TRIO: variants seen among roughly 807,000 people sequenced by gnomAD.
The protein encoded by TRIO is triple functional domain protein.
Under a neutral mutation model 351.9 loss-of-function variants are expected in TRIO, and 58 were observed. The observed-to-expected ratio is 0.16, with a 90% CI of 0.13 to 0.21. The LOEUF (loss-of-function observed/expected upper bound fraction) is 0.21. Among genes scored for constraint, TRIO ranks in the 10% least tolerant of loss-of-function variants. The pLI is 1.00. For missense variants in TRIO, 3,201 were observed against 4,027.8 expected, an observed-to-expected ratio of 0.79 and a Z score of 5.56; for synonymous variants, 1,758 against 1,595.7, an observed-to-expected ratio of 1.10 and a Z score of -2.42.
intron 21 of TRIO, among the ~76,000 whole-genome samples, chr5:14,387,044 A>T (rs1317756194): frequency 6.6e-6 from 1 of 152,276 alleles, no homozygotes; most frequent in Non-Finnish European, 1.5e-5. Flanking sequence ...GGGCACAAAG[A>T]GTAAACATGC....
At position 14,377,997 on chromosome 5, in the gene TRIO, T is replaced by C. The variant is rs774488195; in HGVS notation, c.3332-15T>C. 5 of 1,594,044 alleles carry C rather than the reference T, an allele frequency of 3.1e-6. No homozygotes were observed. Among genetic ancestry groups the C allele is most frequent in the African/African-American group, 1.3e-5 (1 of 74,838 alleles). On this transcript the variant is annotated splice_polypyrimidine_tract_variant and intron_variant, in intron 19 of 56. Transcript: ENST00000344204. ...TTGCAAGCACCAACATACATCATTT[T>C]CTTTTTTCTCTCAGATATCTTGAAT... is the stretch of plus-strand genomic sequence containing the variant.
chr5:14,472,830 C>G (rs114422492), intron 39 of TRIO, among the ~76,000 whole-genome samples, 172 bp downstream of exon 39: 1 of 152,184 alleles, frequency 6.6e-6, no homozygotes, highest in Non-Finnish European at 1.5e-5. Flanking sequence ...ATTGTCTTTA[C>G]CATCTGTATT....
chr5:14,209,952 T>TCTCCCTGTGTGCTGAG (rs971305552), intron 1 of TRIO, among the ~76,000 whole-genome samples: 2 of 152,088 alleles, frequency 1.3e-5, no homozygotes, highest in Non-Finnish European at 2.9e-5. Flanking sequence ...CTGCTCCCCC[T>TCTCCCTGTGTGCTGAG]CTCCCTGTGT....
intron 2 of TRIO, among the ~76,000 whole-genome samples, chr5:14,274,740 T>A (rs555668178): frequency 6.6e-6 from 1 of 152,320 alleles, no homozygotes; most frequent in Admixed American, 6.5e-5. Flanking sequence ...CAATAAAGAC[T>A]TATTTCAAAT....
chr5:14,366,796 C>G lies in TRIO; in HGVS notation c.2755-64C>G, dbSNP rs1029492447. 17 of 1,607,018 alleles carry G rather than the reference C, an allele frequency of 1.1e-5. No individual in the cohort carries two copies. In the African/African-American group the frequency reaches 1.7e-4, roughly 16 times the overall value. ...CTATCTTGCACGCTTGTATCTCACC[C>G]CTGGTGGTCCACAGGATTCTCTGGG... On this transcript the variant is annotated intron_variant, in intron 15 of 56. Transcript: ENST00000344204.
intron 34 of TRIO, among the ~76,000 whole-genome samples, chr5:14,429,295 G>A (rs1300513753): frequency 6.6e-6 from 1 of 152,192 alleles, no homozygotes; most frequent in Non-Finnish European, 1.5e-5. Context: ...AGAAGTGTGT[G>A]CCAGACAGAC....
intron 34 of TRIO, among the ~76,000 whole-genome samples, chr5:14,426,105 T>C (rs983130610): frequency 6.6e-6 from 1 of 152,238 alleles, no homozygotes; most frequent in African/African-American, 2.4e-5. Flanking sequence ...TCGTTTCACC[T>C]AAAACATAAA....
At position 14,389,310 on chromosome 5, in the gene TRIO, A is replaced by G. The variant is rs1289689951; in HGVS notation, c.3970A>G (p.Ser1324Gly). The G allele has an allele frequency of 6.2e-7, 1 of 1,612,052 alleles. No individual in the cohort carries two copies. Among genetic ancestry groups the G allele is most frequent in the Non-Finnish European group, 8.5e-7 (1 of 1,179,368 alleles). ...CTAGACGTACCTGTGGGAAATGACC[A>G]GTGGCGTGGAAGAGATTCCACCTGG... ...CMDTYLWEMT[S>G]GVEEIPPGIV... Residue 1324 changes from serine (S) to glycine (G), a missense_variant, in exon 25 of 57, where the codon AGT (serine) becomes GGT (glycine). Physicochemically the swap from Ser to Gly is moderately conservative, Grantham distance 56. Around this residue, in one of 19 missense-constraint regions of TRIO, gnomAD observed 115 missense variants for 239.6 expected, o/e 0.48. Transcript: ENST00000344204.
At chr5:14,294,869 A>G (rs1209675226) in intron 6 of TRIO, among the ~76,000 whole-genome samples, 1 of 152,250 alleles carries the variant, frequency 6.6e-6, no homozygotes, top group Non-Finnish European at 1.5e-5. Context: ...CAATATAATT[A>G]AAGATGCAGT....
At chr5:14,163,307 G>A (rs1382693701) in intron 1 of TRIO, among the ~76,000 whole-genome samples, 1 of 152,190 alleles carries the variant, frequency 6.6e-6, no homozygotes, top group Non-Finnish European at 1.5e-5. Flanking sequence ...TGCCAAGAAT[G>A]ATGGCTTCCC....
At chr5:14,232,943 A>G (rs1301305846) in intron 1 of TRIO, among the ~76,000 whole-genome samples, 1 of 152,208 alleles carries the variant, frequency 6.6e-6, no homozygotes, top group Non-Finnish European at 1.5e-5. Flanking sequence ...GTGGGAATAC[A>G]TGTAACTAAA....
At chr5:14,314,431 G>A (rs1329666876) in intron 8 of TRIO, among the ~76,000 whole-genome samples, 1 of 152,166 alleles carries the variant, frequency 6.6e-6, no homozygotes, top group African/African-American at 2.4e-5. Flanking sequence ...CTGTAGCCTG[G>A]TCATGTGGCA....
intron 37 of TRIO, 66 bp from the exon 38 acceptor site, chr5:14,471,252 G>T (rs566737828): frequency 1.6e-5 from 24 of 1,489,720 alleles, no homozygotes; most frequent in Non-Finnish European, 2.1e-5. Flanking sequence ...GTATTTTCTT[G>T]TCTTAGTTTT....
At position 14,236,825 on chromosome 5, in the gene TRIO, C is replaced by G. The variant is rs141002286; in HGVS notation, c.158-34000C>G. Among the ~76,000 whole-genome samples the G allele has an allele frequency of 5.1e-3, 782 of 152,292 alleles. 9 individuals carry two copies. The highest frequency in any genetic ancestry group is 0.018 in the African/African-American group (758 of 41,556). On this transcript the variant is annotated intron_variant, in intron 1 of 56. Transcript: ENST00000344204. ...ATCGCCAGAAAGAAACCCCACAGCC[C>G]TTACCCTTCACCCCTCCAGCCTCCC...
intron 7 of TRIO, 122 bp from the exon 8 acceptor site, chr5:14,304,339 C>A: frequency 9.9e-7 from 1 of 1,010,194 alleles, no homozygotes; most frequent in Non-Finnish European, 1.4e-6. Context: ...GATGGAGAGT[C>A]AACCATGTTA....
chr5:14,493,227 G>T (rs930052689), intron 49 of TRIO, among the ~76,000 whole-genome samples: 2 of 152,156 alleles, frequency 1.3e-5, no homozygotes, highest in Admixed American at 1.3e-4. Flanking sequence ...CCAGTAGGGA[G>T]CGTGCGGAGA....
intron 7 of TRIO, among the ~76,000 whole-genome samples, chr5:14,302,158 A>C (rs184485273): frequency 6.6e-6 from 1 of 152,358 alleles, no homozygotes; most frequent in East Asian, 1.9e-4. Flanking sequence ...TGCTTCAAAA[A>C]TTGGAGTCCA....
chr5:14,179,739 A>G (rs1332466578), intron 1 of TRIO, among the ~76,000 whole-genome samples: 1 of 152,170 alleles, frequency 6.6e-6, no homozygotes, highest in Non-Finnish European at 1.5e-5. Context: ...CCCAGCCTCA[A>G]TCTGGAATTT....
At chr5:14,428,082 G>A (rs1460393742) in intron 34 of TRIO, among the ~76,000 whole-genome samples, 3 of 152,074 alleles carry the variant, frequency 2.0e-5, no homozygotes, top group South Asian at 2.1e-4. Context: ...GGTCTTTCCC[G>A]GATCATGAAA....
Sources: allele counts gnomAD v4.1 joint callset (sites outside exome capture counted in the v4.1 genomes callset), GRCh38; gene constraint gnomAD v4.1.1; regional missense constraint gnomAD v4.1.1; transcripts MANE v1.5; gene names NCBI Gene and HGNC (gene_info 2026-07-23, HGNC 2026-07-21).